SOCS5: variants seen among roughly 807,000 people sequenced by gnomAD.
SOCS5 encodes the protein CIS-6.
SOCS5 carries 32 observed loss-of-function variants against 42.8 expected under a neutral mutation model. That is an observed-to-expected ratio of 0.75 (90% CI 0.56 to 1.01). SOCS5 has a LOEUF of 1.01. SOCS5 is among the 50% of genes least tolerant of loss of function. The pLI is 0.00. For synonymous variants in SOCS5, 283 were observed against 229.6 expected, an observed-to-expected ratio of 1.23 and a Z score of -2.10; for missense variants, 627 against 653.0, an observed-to-expected ratio of 0.96 and a Z score of 0.43.
intron 1 of SOCS5, among the ~76,000 whole-genome samples, chr2:46,738,609 G>A (rs188449267): frequency 1.1e-4 from 17 of 152,298 alleles, no homozygotes; most frequent in Admixed American, 1.1e-3. Flanking sequence ...TTGAATGTGT[G>A]GACCCAAGTG....
intron 1 of SOCS5, among the ~76,000 whole-genome samples, chr2:46,757,687 T>G (rs1354749585): frequency 6.6e-6 from 1 of 152,032 alleles, no homozygotes; most frequent in African/African-American, 2.4e-5. Flanking sequence ...ACCAACATGG[T>G]GAAACCCCGT....
At chr2:46,722,947 A>G (rs571529730) in intron 1 of SOCS5, among the ~76,000 whole-genome samples, 2 of 152,160 alleles carry the variant, frequency 1.3e-5, no homozygotes, top group South Asian at 4.1e-4. Context: ...GTTGCCTTCC[A>G]TCTGTTCTTT....
At chr2:46,714,832 T>G (rs1335597261) in intron 1 of SOCS5, among the ~76,000 whole-genome samples, 1 of 152,212 alleles carries the variant, frequency 6.6e-6, no homozygotes, top group African/African-American at 2.4e-5. Flanking sequence ...TGCCTGTTTT[T>G]GGATGGATTA....
intron 1 of SOCS5, among the ~76,000 whole-genome samples, chr2:46,730,348 C>A (rs1673088196): frequency 6.6e-6 from 1 of 152,164 alleles, no homozygotes; most frequent in Non-Finnish European, 1.5e-5. Flanking sequence ...CGTCTGTAAT[C>A]CCGGCACTTT....
chr2:46,722,626 G>T (rs1672908393), intron 1 of SOCS5, among the ~76,000 whole-genome samples: 1 of 152,122 alleles, frequency 6.6e-6, no homozygotes, highest in African/African-American at 2.4e-5. Flanking sequence ...ATTGTGAATA[G>T]AACTGTTATA....
At chr2:46,713,543 C>G (rs544833472) in intron 1 of SOCS5, among the ~76,000 whole-genome samples, 17 of 151,646 alleles carry the variant, frequency 1.1e-4, no homozygotes, top group Non-Finnish European at 1.9e-4. Flanking sequence ...TGTCTTTTTC[C>G]TTTTTTCCCC....
intron 1 of SOCS5, among the ~76,000 whole-genome samples, chr2:46,718,065 A>G (rs1013729143): frequency 1.3e-5 from 2 of 149,860 alleles, no homozygotes; most frequent in African/African-American, 4.9e-5. Context: ...TTCAAGCTCT[A>G]TTTCCTCAAC....
chr2:46,732,769 A>G (rs1673153786), intron 1 of SOCS5, among the ~76,000 whole-genome samples: 1 of 152,192 alleles, frequency 6.6e-6, no homozygotes, highest in Admixed American at 6.5e-5. Context: ...CTTTGAGAAT[A>G]TTATAAAAGC....
At chr2:46,753,962 A>G (rs921249862) in intron 1 of SOCS5, among the ~76,000 whole-genome samples, 1 of 152,142 alleles carries the variant, frequency 6.6e-6, no homozygotes, top group African/African-American at 2.4e-5. Flanking sequence ...GGTGGGTTTT[A>G]ACTGGCTTCT....
At chr2:46,757,595 G>C (rs1251928424) in intron 1 of SOCS5, among the ~76,000 whole-genome samples, 1 of 152,090 alleles carries the variant, frequency 6.6e-6, no homozygotes, top group Non-Finnish European at 1.5e-5. Context: ...GGCCGGGCAT[G>C]GTGGCTCACA....
chr2:46,750,234 C>T lies in SOCS5; in HGVS notation c.-12-8285C>T, dbSNP rs562113000. Among the ~76,000 whole-genome samples, 17 of 152,188 alleles carry T rather than the reference C, an allele frequency of 1.1e-4. 1 individual carries two copies. Among genetic ancestry groups the T allele is most frequent in the South Asian group, 2.1e-4 (1 of 4,822 alleles). ...AAGCAAAGCATAGGCAGTATCTGTA[C>T]GTGAGATTTGGGCTTAAGAATAAGA... On this transcript the variant is annotated intron_variant, in intron 1 of 1. Coordinates refer to ENST00000394861, the MANE Select transcript of SOCS5 (RefSeq NM_144949.3).
chr2:46,757,668 A>C (rs1673760223), intron 1 of SOCS5, among the ~76,000 whole-genome samples: 1 of 152,068 alleles, frequency 6.6e-6, no homozygotes, highest in Admixed American at 6.5e-5. Context: ...GGAGTTTGAA[A>C]CCAACCTGAC....
Position 46,758,835 on chromosome 2 carries a change from T to G in SOCS5, c.305T>G (p.Val102Gly). The change falls in exon 2 of 2, where the codon GTT becomes GGT. Residue 102 changes from valine (V) to glycine (G), a missense_variant. Val to Gly is a moderately radical substitution (Grantham distance 109, BLOSUM62 -3). Around this residue, in one of 3 missense-constraint regions of SOCS5, gnomAD observed 278 missense variants for 246.3 expected, o/e 1.13. Transcript: ENST00000394861. ...ISIEKDNDSC[V>G]TPGTRLARRD... ...ATCGAAAAGGATAATGATTCTTGTG[T>G]TACCCCAGGAACAAGACTTGCACGA... The G allele has an allele frequency of 6.2e-7, 1 of 1,614,102 alleles. No individual in the cohort carries two copies. Among genetic ancestry groups the G allele is most frequent in the Non-Finnish European group, 8.5e-7 (1 of 1,179,930 alleles).
At chr2:46,736,057 T>G (rs1673238904) in intron 1 of SOCS5, among the ~76,000 whole-genome samples, 1 of 148,286 alleles carries the variant, frequency 6.7e-6, no homozygotes, top group South Asian at 2.3e-4. Flanking sequence ...TCCCTCCCTC[T>G]TTTGAGACAG....
At chr2:46,701,023 CCTT>C (rs1672331709) in intron 1 of SOCS5, among the ~76,000 whole-genome samples, 1 of 152,084 alleles carries the variant, frequency 6.6e-6, no homozygotes, top group African/African-American at 2.4e-5. Flanking sequence ...TCAGTTGGCA[CCTT>C]CTTAGTTCTT....
chr2:46,705,456 T>A (rs949281756), intron 1 of SOCS5, among the ~76,000 whole-genome samples: 1 of 152,212 alleles, frequency 6.6e-6, no homozygotes, highest in Admixed American at 6.5e-5. Context: ...ACATATGTTT[T>A]GAGGTCACAA....
chr2:46,759,882 C>T lies in SOCS5; in HGVS notation c.1352C>T (p.Thr451Ile). 6.2e-7 allele frequency: 1 copy of T among 1,614,184 alleles called. No individual in the cohort carries two copies. Among genetic ancestry groups the T allele is most frequent in the Non-Finnish European group, 8.5e-7 (1 of 1,180,036 alleles). The change falls in exon 2 of 2, where the codon ACT becomes ATT. Residue 451 changes from threonine (T) to isoleucine (I), a missense_variant. Coordinates refer to ENST00000394861, the MANE Select transcript of SOCS5 (RefSeq NM_144949.3). ...GACCCGTGTGTATTTCACTCCTCCA[C>T]TGTAACGGGACTTTTAGAACATTAT... is the stretch of plus-strand genomic sequence containing the variant. The part of the protein sequence containing the change: ...AHDPCVFHSS[T>I]VTGLLEHYKD...
At chr2:46,742,950 T>G (rs1673411307) in intron 1 of SOCS5, among the ~76,000 whole-genome samples, 1 of 152,066 alleles carries the variant, frequency 6.6e-6, no homozygotes, top group South Asian at 2.1e-4. Flanking sequence ...AGGCATGAGG[T>G]TCCACGCCTG....
chr2:46,703,090 T>A (rs1672380411), intron 1 of SOCS5, among the ~76,000 whole-genome samples: 1 of 152,266 alleles, frequency 6.6e-6, no homozygotes, highest in Admixed American at 6.5e-5. Flanking sequence ...TTTTTCAATG[T>A]ATCTCACATA....
Sources: allele counts gnomAD v4.1 joint callset (sites outside exome capture counted in the v4.1 genomes callset), GRCh38; gene constraint gnomAD v4.1.1; regional missense constraint gnomAD v4.1.1; transcripts MANE v1.5; gene names NCBI Gene and HGNC (gene_info 2026-07-23, HGNC 2026-07-21).